The following SFXN5 variants were observed in gnomAD, a reference collection of about 807,000 sequenced individuals.
SFXN5 encodes sideroflexin-5.
Under a neutral mutation model 50.2 loss-of-function variants are expected in SFXN5, and 43 were observed. That is an observed-to-expected ratio of 0.86 (90% CI 0.67 to 1.11). The LOEUF (loss-of-function observed/expected upper bound fraction) is 1.11. Among genes scored for constraint, SFXN5 ranks in the 50% least tolerant of loss-of-function variants. The probability of loss-of-function intolerance (pLI) is 0.00; values close to 1 mark genes in which losing one functional copy is unlikely to be tolerated. For missense variants in SFXN5, 463 were observed against 454.1 expected, an observed-to-expected ratio of 1.02 and a Z score of -0.18; for synonymous variants, 203 against 185.8, an observed-to-expected ratio of 1.09 and a Z score of -0.75.
chr2:73,071,514 A>C, intron 1 of SFXN5, 90 bp downstream of exon 1: 1 of 1,226,646 alleles, frequency 8.2e-7, no homozygotes, highest in South Asian at 1.4e-5. Flanking sequence ...CGCGGGTGGG[A>C]GACCCTTGGG....
At chr2:73,048,507 T>G (rs1309553853) in intron 2 of SFXN5, among the ~76,000 whole-genome samples, 4 of 152,240 alleles carry the variant, frequency 2.6e-5, no homozygotes, top group Admixed American at 2.0e-4. Context: ...TGAGCCACTG[T>G]GCCCGGCCAG....
At chr2:72,979,760 C>A (rs572751129) in intron 10 of SFXN5, among the ~76,000 whole-genome samples, 7 of 152,238 alleles carry the variant, frequency 4.6e-5, no homozygotes, top group African/African-American at 1.7e-4. Context: ...GGTTAAAAAG[C>A]AGTTTACAGA....
Position 72,945,282 on chromosome 2 carries a change from C to T in SFXN5, c.946-183G>A, listed in dbSNP as rs1671812229. On this transcript the variant is annotated intron_variant, in intron 13 of 13. Transcript: ENST00000272433. This position sits in a 1 kb window ranked among gnomAD's most constrained non-coding sequence, Gnocchi z 5.8. ...TCTTCCTTCTCCACCGCCCTCCCGC[C>T]GCGGGGCTCACAGCATCCCTTCCAG... 6.6e-6 allele frequency among the ~76,000 whole-genome samples: 1 copy of T among 152,120 alleles called. No homozygotes were observed. The highest frequency in any genetic ancestry group is 6.5e-5 in the Admixed American group (1 of 15,280).
intron 13 of SFXN5, among the ~76,000 whole-genome samples, chr2:72,946,077 C>T (rs554999335): frequency 6.6e-6 from 1 of 151,542 alleles, no homozygotes; most frequent in African/African-American, 2.4e-5. Context: ...TCCCACCCCA[C>T]AGCTGCCATC....
chr2:73,021,906 C>A (rs1399236589), intron 5 of SFXN5, among the ~76,000 whole-genome samples: 1 of 152,220 alleles, frequency 6.6e-6, no homozygotes, highest in African/African-American at 2.4e-5. Flanking sequence ...CTAAAGCCCA[C>A]ATAGGCACAG....
rs577267713 is a variant in SFXN5, at chr2:73,025,026, C to T, written c.250-1812G>A. 7.2e-5 allele frequency among the ~76,000 whole-genome samples: 11 copies of T among 151,850 alleles called. No homozygotes were observed. The East Asian group carries it at 1.7e-3, about 24-fold the overall frequency. On this transcript the variant is annotated intron_variant, in intron 3 of 13. Transcript: ENST00000272433. ...CAGACCCAGGCAGATTAGAAGCAGT[C>T]GATGTTTAAAAAATAATAATTGGGG...
chr2:73,007,039 G>A (rs1456209643), intron 6 of SFXN5, among the ~76,000 whole-genome samples: 4 of 152,216 alleles, frequency 2.6e-5, no homozygotes, highest in Admixed American at 2.0e-4. Context: ...CTGCTGCAGA[G>A]AGATGAGGTC....
intron 2 of SFXN5, among the ~76,000 whole-genome samples, chr2:73,056,868 C>T (rs934321398): frequency 1.3e-5 from 2 of 152,172 alleles, no homozygotes; most frequent in Admixed American, 6.5e-5. Flanking sequence ...AACAGTTTGG[C>T]AGTTTCTGAT....
At chr2:73,034,420 A>G (rs1678700304) in intron 3 of SFXN5, among the ~76,000 whole-genome samples, 1 of 152,224 alleles carries the variant, frequency 6.6e-6, no homozygotes, top group Non-Finnish European at 1.5e-5. Flanking sequence ...TGTTATTTTC[A>G]GCAAAGCCCA....
chr2:73,013,406 C>CGTGTGTGTGTGTGTGTGTGTGT (rs61590375), intron 6 of SFXN5, among the ~76,000 whole-genome samples: 1 of 139,718 alleles, frequency 7.2e-6, no homozygotes, highest in African/African-American at 2.7e-5. Flanking sequence ...AGGGATATTT[C>CGTGTGTGTGTGTGTGTGTGTGT]GTGTGTGTGT....
chr2:72,951,033 G>A (rs1672474929), intron 13 of SFXN5, among the ~76,000 whole-genome samples: 1 of 151,812 alleles, frequency 6.6e-6, no homozygotes, highest in Non-Finnish European at 1.5e-5. Context: ...AGTCAACAGG[G>A]GCTCCCGAGG....
intron 1 of SFXN5, 62 bp downstream of exon 1, chr2:73,071,542 G>T: frequency 6.7e-7 from 1 of 1,496,796 alleles, no homozygotes; most frequent in Non-Finnish European, 9.2e-7. Flanking sequence ...GGACTTTGGA[G>T]GGGAGTTTGC....
chr2:72,946,522 C>A (rs1671947690), intron 13 of SFXN5, among the ~76,000 whole-genome samples: 1 of 152,172 alleles, frequency 6.6e-6, no homozygotes, highest in African/African-American at 2.4e-5. Context: ...CACAAGATTT[C>A]TGCAGCCTTG....
Position 73,071,669 on chromosome 2 carries a change from C to A in SFXN5, c.37G>T (p.Ala13Ser). ...TCGCTCGAGGCGCTAGCGGCACTAG[C>A]CGCCGCCGCCGATGCTGTAGTCGCT... ...DTATTASAAA[A>S]SAASASSDAP... The change falls in exon 1 of 14, where the codon GCT (alanine) becomes TCT (serine). Residue 13 changes from alanine (A) to serine (S), a missense_variant. By Grantham distance (99) the Ala-to-Ser change is moderately conservative. Transcript: ENST00000272433. 1 of 1,603,882 alleles carries A rather than the reference C, an allele frequency of 6.2e-7. No homozygotes were observed. Among genetic ancestry groups the A allele is most frequent in the Non-Finnish European group, 8.5e-7 (1 of 1,175,412 alleles).
rs199814963 is a variant in SFXN5, at chr2:72,945,284, C to T, written c.946-185G>A. 1.8e-4 allele frequency among the ~76,000 whole-genome samples: 27 copies of T among 152,262 alleles called. No individual in the cohort carries two copies. In the East Asian group the frequency reaches 4.3e-3, roughly 24 times the overall value. On this transcript the variant is annotated intron_variant, in intron 13 of 13. Transcript: ENST00000272433. This position sits in a 1 kb window ranked among gnomAD's most constrained non-coding sequence, Gnocchi z 5.8. ...TTCCTTCTCCACCGCCCTCCCGCCG[C>T]GGGGCTCACAGCATCCCTTCCAGCC...
intron 10 of SFXN5, among the ~76,000 whole-genome samples, chr2:72,984,917 A>T (rs1327988778): frequency 1.3e-5 from 2 of 152,066 alleles, no homozygotes; most frequent in African/African-American, 2.4e-5. Flanking sequence ...CCTGCAGAGG[A>T]GCTGGCAGAG....
At chr2:73,011,521 A>G (rs1456324191) in intron 6 of SFXN5, among the ~76,000 whole-genome samples, 1 of 152,208 alleles carries the variant, frequency 6.6e-6, no homozygotes, top group African/African-American at 2.4e-5. Context: ...CATATATATA[A>G]TCCAAAGGAT....
At position 73,010,877 on chromosome 2, in the gene SFXN5, G is replaced by T. The variant is rs529966409; in HGVS notation, c.358-9299C>A. 3.9e-5 allele frequency among the ~76,000 whole-genome samples: 6 copies of T among 152,244 alleles called. No homozygotes were observed. The East Asian group carries it at 1.2e-3, about 29-fold the overall frequency. On this transcript the variant is annotated intron_variant, in intron 6 of 13. Coordinates refer to ENST00000272433, the MANE Select transcript of SFXN5 (RefSeq NM_144579.3). ...ATGAAAACATATCAGATATAGCCAT[G>T]TTTTAGATATATTCAGAGGCAAATT...
At chr2:73,041,316 G>A (rs1424668007) in intron 2 of SFXN5, among the ~76,000 whole-genome samples, 1 of 152,206 alleles carries the variant, frequency 6.6e-6, no homozygotes, top group Non-Finnish European at 1.5e-5. Flanking sequence ...CCAAACTGGT[G>A]GCTGGGGTTA....
Sources: allele counts gnomAD v4.1 joint callset (sites outside exome capture counted in the v4.1 genomes callset), GRCh38; gene constraint gnomAD v4.1.1; non-coding constraint Gnocchi (gnomAD v3.1); transcripts MANE v1.5; gene names NCBI Gene and HGNC (gene_info 2026-07-23, HGNC 2026-07-21).